LPIN3: variants seen among roughly 807,000 people sequenced by gnomAD.
LPIN3 encodes the protein lipin 3.
A neutral mutation model predicts 94.7 loss-of-function variants in LPIN3; 82 were observed. The ratio of observed to expected loss-of-function variants is 0.87; its 90% CI spans 0.72 to 1.04. The LOEUF is 1.04. Among genes scored for constraint, LPIN3 ranks in the 50% least tolerant of loss-of-function variants. The probability of loss-of-function intolerance (pLI) is 0.00; values close to 1 mark genes in which losing one functional copy is unlikely to be tolerated. For missense variants in LPIN3, 996 were observed against 1,090.5 expected (o/e 0.91, Z 1.22); for synonymous variants, 418 against 443.3 (o/e 0.94, Z 0.72).
rs1156340021 is a variant in LPIN3, at chr20:41,358,278, G to T, written c.2234G>T (p.Cys745Phe). 1.2e-6 allele frequency: 2 copies of T among 1,614,144 alleles called. No homozygotes were observed. Among genetic ancestry groups the T allele is most frequent in the Non-Finnish European group, 1.7e-6 (2 of 1,180,026 alleles). The change falls in exon 18 of 20, where the codon TGC (cysteine) becomes TTC (phenylalanine). Residue 745 changes from cysteine to phenylalanine, a missense_variant. Physicochemically the swap from Cys to Phe is radical, Grantham distance 205 (BLOSUM62 -2). Coordinates refer to ENST00000373257, the MANE Select transcript of LPIN3 (RefSeq NM_022896.3). Reference sequence around the variant, plus strand: ...AAACCAGAGGTGTTCAAGGTCGCCTGCCTGAGTGACATCCAGCAGCTGTTT... The same window carrying T: ...AAACCAGAGGTGTTCAAGGTCGCCTTCCTGAGTGACATCCAGCAGCTGTTT... ...EKKPEVFKVA[C>F]LSDIQQLFLP...
At chr20:41,358,581 C>A (rs372898101) in intron 19 of LPIN3, 39 bp downstream of exon 19, 24 of 1,608,508 alleles carry the variant, frequency 1.5e-5, no homozygotes, top group Non-Finnish European at 2.0e-5. Context: ...TGCCCTACCA[C>A]GTCCCCCTGC....
chr20:41,350,422 C>T (rs760311094), intron 7 of LPIN3, 25 bp downstream of exon 7: 2 of 1,519,112 alleles, frequency 1.3e-6, no homozygotes, highest in Non-Finnish European at 1.8e-6. Flanking sequence ...GTCTCTCCCA[C>T]TGCCTCCCTG....
chr20:41,353,007 G>C (rs2046083188), intron 11 of LPIN3, 140 bp downstream of exon 11: 2 of 912,666 alleles, frequency 2.2e-6, no homozygotes, highest in African/African-American at 1.6e-5. Context: ...CTCACTCTGG[G>C]AGAGGCGACA....
intron 6 of LPIN3, 42 bp from the exon 7 acceptor site, chr20:41,350,013 C>A: frequency 6.4e-7 from 1 of 1,565,098 alleles, no homozygotes; most frequent in Non-Finnish European, 8.7e-7. Context: ...GGGGCATGGG[C>A]CTTACCCTGG....
intron 3 of LPIN3, 148 bp from the exon 4 acceptor site, chr20:41,348,471 G>A (rs1270755851): frequency 4.7e-6 from 6 of 1,286,616 alleles, no homozygotes; most frequent in Non-Finnish European, 3.1e-6. Flanking sequence ...GTGGCTACAG[G>A]GCCAGGCTGG....
chr20:41,345,690 G>A, intron 1 of LPIN3, 106 bp from the exon 2 acceptor site: 1 of 1,214,880 alleles, frequency 8.2e-7, no homozygotes, highest in Non-Finnish European at 1.1e-6. Context: ...GCACTCCAAG[G>A]CGTGACACAA....
At chr20:41,348,283 G>A (rs2045860077) in intron 3 of LPIN3, among the ~76,000 whole-genome samples, 1 of 152,214 alleles carries the variant, frequency 6.6e-6, no homozygotes, top group South Asian at 2.1e-4. Context: ...TTGGGATTGG[G>A]AGAGGGATAG....
chr20:41,357,533 C>T (rs1187633130), intron 16 of LPIN3, 86 bp downstream of exon 16: 2 of 1,209,734 alleles, frequency 1.7e-6, no homozygotes, highest in East Asian at 4.8e-5. Context: ...TGGGGACCAG[C>T]AGGGCCCACA....
At chr20:41,346,192 A>T (rs886183831) in intron 2 of LPIN3, among the ~76,000 whole-genome samples, 197 bp downstream of exon 2, 1 of 152,112 alleles carries the variant, frequency 6.6e-6, no homozygotes, top group Non-Finnish European at 1.5e-5. Context: ...GTTCACAGTT[A>T]GTTTCTCATG....
chr20:41,354,547 C>T (rs1364824421), intron 11 of LPIN3, 98 bp from the exon 12 acceptor site: 1 of 1,206,022 alleles, frequency 8.3e-7, no homozygotes. Context: ...AGGGTTGGCT[C>T]AGACTCTGGG....
At chr20:41,347,740 T>G in intron 3 of LPIN3, 93 bp downstream of exon 3, 2 of 1,133,694 alleles carry the variant, frequency 1.8e-6, no homozygotes, top group African/African-American at 1.6e-5. Context: ...ATCCTCGCCC[T>G]TCCCCGGGAG....
At position 41,352,123 on chromosome 20, in the gene LPIN3, C is replaced by T. The variant is rs537872625; in HGVS notation, c.1266C>T (p.Pro422=). 2.5e-6 allele frequency: 4 copies of T among 1,614,228 alleles called. No individual in the cohort carries two copies. The highest frequency in any genetic ancestry group is 2.7e-5 in the African/African-American group (2 of 75,064). The change falls in exon 9 of 20, where the codon CCC becomes CCT. Residue 422 remains proline (P), a synonymous_variant. Coordinates refer to ENST00000373257, the MANE Select transcript of LPIN3 (RefSeq NM_022896.3). The part of the protein sequence containing the change: ...EPSSQKSLRD[P]NPEHEPEPTL... ...GCAGTCAGAAGTCCCTGAGGGACCC[C>T]AACCCTGAACATGAACCTGAACCCA...
intron 13 of LPIN3, among the ~76,000 whole-genome samples, chr20:41,355,279 T>C (rs889330063): frequency 3.3e-5 from 5 of 152,168 alleles, no homozygotes; most frequent in African/African-American, 1.2e-4. Context: ...TCCCAGAGTG[T>C]TGGGATTACA....
chr20:41,350,666 C>T (rs1385109898), intron 7 of LPIN3, among the ~76,000 whole-genome samples: 1 of 151,958 alleles, frequency 6.6e-6, no homozygotes, highest in Non-Finnish European at 1.5e-5. Context: ...GGAGCTAAGA[C>T]ATGGATAATG....
intron 16 of LPIN3, 43 bp from the exon 17 acceptor site, chr20:41,357,839 C>G: frequency 6.2e-7 from 1 of 1,611,246 alleles, no homozygotes; most frequent in South Asian, 1.1e-5. Flanking sequence ...TGGGGGCTGG[C>G]TGGTCTCTGA....
In LPIN3 at chr20:41,357,455, C is replaced by G. The variant is rs766440303; in HGVS notation, c.2039+8C>G. ...CTATCACAAAATCCAACTGTGAGTG[C>G]CTGGGCTGGGGCTGGGGCTGAGGCG... On this transcript the variant is annotated splice_region_variant and intron_variant, in intron 16 of 19. Coordinates refer to ENST00000373257, the MANE Select transcript of LPIN3 (RefSeq NM_022896.3). 2 of 1,610,150 alleles carry G rather than the reference C, an allele frequency of 1.2e-6. No homozygotes were observed. Among genetic ancestry groups the G allele is most frequent in the Non-Finnish European group, 1.7e-6 (2 of 1,178,130 alleles).
intron 19 of LPIN3, 50 bp from the exon 20 acceptor site, chr20:41,358,672 C>T: frequency 6.2e-7 from 1 of 1,607,814 alleles, no homozygotes; most frequent in South Asian, 1.1e-5. Flanking sequence ...TGGCCAAGGC[C>T]ATCGTTTGGT....
At chr20:41,352,333 T>G in intron 9 of LPIN3, 113 bp downstream of exon 9, 1 of 1,235,612 alleles carries the variant, frequency 8.1e-7, no homozygotes, top group Non-Finnish European at 1.2e-6. Flanking sequence ...TGGGCTTCCC[T>G]GCAGCTCTCT....
rs1463697731 is a variant in LPIN3, at chr20:41,357,351, C to G, written c.1953-10C>G. The G allele has an allele frequency of 4.3e-6, 7 of 1,613,428 alleles. No homozygotes were observed. Among genetic ancestry groups the G allele is most frequent in the Non-Finnish European group, 5.9e-6 (7 of 1,179,542 alleles). On this transcript the variant is annotated splice_polypyrimidine_tract_variant and intron_variant, in intron 15 of 19. Transcript: ENST00000373257. ...GCTGCCTTGGAGTAACCCTTCCTCT[C>G]TCACTCTAGGTCAGATGCTCTGGGC...
Sources: gnomAD v4.1 joint callset for allele counts (sites outside exome capture counted in the v4.1 genomes callset) on GRCh38, gnomAD v4.1.1 for gene constraint, MANE v1.5 for transcripts, NCBI Gene and HGNC (gene_info 2026-07-23, HGNC 2026-07-21) for gene names.